The following EML6 variants were observed in gnomAD, a reference collection of about 807,000 sequenced individuals.
EML6 encodes EMAP like 6, also known as echinoderm microtubule-associated protein-like 6.
In EML6, 154 loss-of-function variants were observed where a neutral mutation model predicts 240.1. The observed-to-expected ratio is 0.64, with a 90% CI of 0.56 to 0.73. The LOEUF is 0.73. Ranked by LOEUF, EML6 falls within the 30% of genes least tolerant of loss-of-function variation. The probability of loss-of-function intolerance (pLI) is 0.00; values close to 1 mark genes in which losing one functional copy is unlikely to be tolerated. For missense variants in EML6, 2,964 were observed against 2,474.6 expected (o/e 1.20, Z -4.20); for synonymous variants, 1,148 against 899.0 (o/e 1.28, Z -4.95).
At chr2:54,883,970 C>T (rs768246295) in intron 17 of EML6, among the ~76,000 whole-genome samples, 1 of 152,196 alleles carries the variant, frequency 6.6e-6, no homozygotes, top group Non-Finnish European at 1.5e-5. Flanking sequence ...TCCGTTTTCT[C>T]ACTCAACAAC....
chr2:54,936,037 A>G (rs2104424364), intron 28 of EML6, among the ~76,000 whole-genome samples: 1 of 152,356 alleles, frequency 6.6e-6, no homozygotes. Flanking sequence ...CCGTGAATGA[A>G]TGAATCAATG....
intron 2 of EML6, among the ~76,000 whole-genome samples, chr2:54,806,746 T>C (rs1049102750): frequency 9.9e-5 from 15 of 152,004 alleles, no homozygotes; most frequent in Non-Finnish European, 1.9e-4. Flanking sequence ...TTTTAAGTGC[T>C]ACTGTTTTAA....
At chr2:54,829,964 A>G (rs1306386647) in intron 7 of EML6, among the ~76,000 whole-genome samples, 1 of 152,200 alleles carries the variant, frequency 6.6e-6, no homozygotes, top group Non-Finnish European at 1.5e-5. Context: ...GGCAGTCTCA[A>G]ATTTCGGGGC....
intron 2 of EML6, among the ~76,000 whole-genome samples, chr2:54,765,289 G>A (rs1488530094): frequency 6.6e-6 from 1 of 152,000 alleles, no homozygotes; most frequent in Non-Finnish European, 1.5e-5. Context: ...TTTTTAGTAT[G>A]GATTGACATA....
At chr2:54,839,862 T>G (rs377365022) in intron 7 of EML6, among the ~76,000 whole-genome samples, 1 of 152,168 alleles carries the variant, frequency 6.6e-6, no homozygotes, top group African/African-American at 2.4e-5. Context: ...AAGGTTTTGG[T>G]CTTTGTTCCT....
chr2:54,743,056 T>C (rs573752719), intron 2 of EML6, among the ~76,000 whole-genome samples: 1 of 152,354 alleles, frequency 6.6e-6, no homozygotes, highest in African/African-American at 2.4e-5. Flanking sequence ...ATGGGAGCTA[T>C]CTAGATGTTT....
In EML6 at chr2:54,928,740, C is replaced by CGTGGAAGAAAGGTATGGTGTTGCCAGGT. The variant is rs1674697837; in HGVS notation, c.3994_4004+17dup. On this transcript the variant is annotated frameshift_variant, in exon 28 of 42. Transcript: ENST00000356458. LOFTEE classifies it high-confidence loss of function. ...CACACCAGCAGCTGAAGGAAGTTTCCGTGGAAGAAAGGTATGGTGTTGCCA... is the reference window on the plus strand; with the variant it reads ...CACACCAGCAGCTGAAGGAAGTTTCCGTGGAAGAAAGGTATGGTGTTGCCAGGTGTGGAAGAAAGGTATGGTGTTGCCA... 5 of 1,551,630 alleles carry CGTGGAAGAAAGGTATGGTGTTGCCAGGT rather than the reference C, an allele frequency of 3.2e-6. No homozygotes were observed. The highest frequency in any genetic ancestry group is 1.4e-5 in the African/African-American group (1 of 73,008).
At chr2:54,864,340 A>G (rs980013289) in intron 13 of EML6, among the ~76,000 whole-genome samples, 1 of 152,198 alleles carries the variant, frequency 6.6e-6, no homozygotes, top group South Asian at 2.1e-4. Context: ...TATCCATTTA[A>G]TCAAAGTAAT....
chr2:54,755,707 C>T (rs185538489), intron 2 of EML6, among the ~76,000 whole-genome samples: 206 of 152,214 alleles, frequency 1.4e-3, no homozygotes, highest in South Asian at 2.1e-3. Context: ...GTTACTCAGA[C>T]TGGAGTGCAG....
chr2:54,877,215 C>T (rs965175187), intron 16 of EML6, among the ~76,000 whole-genome samples: 14 of 152,102 alleles, frequency 9.2e-5, no homozygotes, highest in African/African-American at 3.4e-4. Context: ...AACTCCTGGG[C>T]TCAAGGGATT....
chr2:54,901,375 T>C (rs1231627123), intron 22 of EML6, among the ~76,000 whole-genome samples: 3 of 152,210 alleles, frequency 2.0e-5, no homozygotes, highest in African/African-American at 7.2e-5. Flanking sequence ...CCAAAGCCCA[T>C]GCTCGTAATC....
chr2:54,845,113 T>C (rs1330978569), intron 8 of EML6, among the ~76,000 whole-genome samples: 1 of 152,202 alleles, frequency 6.6e-6, no homozygotes, highest in East Asian at 1.9e-4. Flanking sequence ...CTCCCTTATT[T>C]TGTGTGTTTA....
intron 28 of EML6, among the ~76,000 whole-genome samples, chr2:54,942,387 A>C (rs72795415): frequency 0.014 from 2,078 of 152,266 alleles, 21 homozygotes; most frequent in Non-Finnish European, 0.022. Flanking sequence ...ACTGTGGCAG[A>C]GTTGGGTCTG....
At chr2:54,793,328 A>G (rs969299859) in intron 2 of EML6, among the ~76,000 whole-genome samples, 7 of 151,750 alleles carry the variant, frequency 4.6e-5, no homozygotes, top group Non-Finnish European at 8.8e-5. Context: ...CCAAGTCATA[A>G]AACACGGATC....
intron 38 of EML6, among the ~76,000 whole-genome samples, chr2:54,966,097 G>C (rs1676734007): frequency 1.3e-5 from 2 of 152,216 alleles, no homozygotes; most frequent in South Asian, 4.1e-4. Flanking sequence ...GCTTCCTGGA[G>C]CTTGCTCTAT....
intron 9 of EML6, 97 bp from the exon 10 acceptor site, chr2:54,849,865 T>C (rs897003655): frequency 3.1e-6 from 3 of 961,120 alleles, no homozygotes; most frequent in Non-Finnish European, 3.0e-6. Flanking sequence ...GGTTTGGTTC[T>C]CTTTCAACAC....
chr2:54,959,494 G>C (rs1350535500), intron 34 of EML6, among the ~76,000 whole-genome samples: 1 of 152,278 alleles, frequency 6.6e-6, no homozygotes, highest in African/African-American at 2.4e-5. Flanking sequence ...AGGCATGGTG[G>C]TTCACGCCTG....
At chr2:54,758,630 G>T (rs1443479390) in intron 2 of EML6, among the ~76,000 whole-genome samples, 1 of 151,940 alleles carries the variant, frequency 6.6e-6, no homozygotes, top group Non-Finnish European at 1.5e-5. Flanking sequence ...CCATTTGTTT[G>T]TCTCTCTCTT....
Position 54,965,398 on chromosome 2 carries a change from G to T in EML6, c.5493+665G>T, listed in dbSNP as rs1477548521. Among the ~76,000 whole-genome samples the T allele has an allele frequency of 2.0e-5, 3 of 152,176 alleles. No individual in the cohort carries two copies. In the South Asian group the frequency reaches 6.2e-4, roughly 32 times the overall value. On this transcript the variant is annotated intron_variant, in intron 38 of 41. Coordinates refer to ENST00000356458, the MANE Select transcript of EML6 (RefSeq NM_001039753.4). ...AGATGGACAAAATGAGACTGGTCCC[G>T]TAACCACCCAAGGGGTTCACCTTGC...
Sources: allele counts gnomAD v4.1 joint callset (sites outside exome capture counted in the v4.1 genomes callset), GRCh38; gene constraint gnomAD v4.1.1; transcripts MANE v1.5; gene names NCBI Gene and HGNC (gene_info 2026-07-23, HGNC 2026-07-21).